Variants in CENPP observed in about 807,000 individuals in gnomAD.
CENPP encodes the protein centromere protein P.
Under a neutral mutation model 35.6 loss-of-function variants are expected in CENPP, and 24 were observed. The ratio of observed to expected loss-of-function variants is 0.67; its 90% confidence interval spans 0.49 to 0.95. CENPP has a LOEUF of 0.95. CENPP is among the 40% of genes least tolerant of loss of function. The pLI, the probability that CENPP is intolerant of heterozygous loss-of-function variation, is 0.00. For missense variants in CENPP, 332 were observed against 345.3 expected (o/e 0.96, Z 0.31); for synonymous variants, 120 against 125.5 (o/e 0.96, Z 0.29).
rs1843199404 is a variant in CENPP, at chr9:92,403,383, G to C, written c.564+23524G>C. The C allele has an allele frequency of 1.9e-6, 3 of 1,612,766 alleles. No individual in the cohort carries two copies. In the East Asian group the frequency reaches 6.7e-5, roughly 36 times the overall value. On this transcript the variant is annotated intron_variant, in intron 5 of 7. Coordinates refer to ENST00000375587, the MANE Select transcript of CENPP (RefSeq NM_001012267.3). ...ATCAGAGGCACAAGCAGTAACAGGA[G>C]AAGTGTAGACTGCAGAGTCTTCATT... is the stretch of plus-strand genomic sequence containing the variant.
intron 3 of CENPP, 139 bp from the exon 4 acceptor site, chr9:92,345,560 T>TTTTTTG (rs1313607764): frequency 1.7e-6 from 1 of 600,400 alleles, no homozygotes; most frequent in African/African-American, 1.9e-5. Flanking sequence ...AGATTGAACT[T>TTTTTTG]TTTTTGTTTT....
At chr9:92,369,500 C>G (rs192131321) in intron 4 of CENPP, among the ~76,000 whole-genome samples, 159 of 152,232 alleles carry the variant, frequency 1.0e-3, no homozygotes, top group Admixed American at 2.7e-3. Flanking sequence ...GAAAAACTCA[C>G]TCAAGGGCAA....
chr9:92,464,594 T>C (rs1845235721), intron 5 of CENPP: 3 of 464,000 alleles, frequency 6.5e-6, no homozygotes, highest in Non-Finnish European at 1.3e-5. Context: ...TCTGCTTTCT[T>C]CTGTATAGAA....
At chr9:92,383,660 T>G (rs933180120) in intron 5 of CENPP, among the ~76,000 whole-genome samples, 2 of 152,164 alleles carry the variant, frequency 1.3e-5, no homozygotes, top group African/African-American at 4.8e-5. Context: ...TTTAAGGTTG[T>G]GTATATGAAG....
In CENPP at chr9:92,566,353, C is replaced by T. The variant is rs551646855; in HGVS notation, c.565-44961C>T. Among the ~76,000 whole-genome samples, 3 of 150,960 alleles carry T rather than the reference C, an allele frequency of 2.0e-5. No individual in the cohort carries two copies. The East Asian group carries it at 5.8e-4, about 29-fold the overall frequency. On this transcript the variant is annotated intron_variant, in intron 5 of 7. Transcript: ENST00000375587. The stretch of plus-strand genomic sequence containing the variant: ...CATACAAAGTAACATAAAAATATAG[C>T]CTTTCAAAGGAAAAAAATAAATAAA...
At chr9:92,493,608 T>C (rs1416480428) in intron 5 of CENPP, 2 of 152,624 alleles carry the variant, frequency 1.3e-5, no homozygotes, top group Non-Finnish European at 2.9e-5. Flanking sequence ...GTAATTATAG[T>C]GTAATTTTTG....
chr9:92,529,068 T>C (rs1229614853), intron 5 of CENPP, among the ~76,000 whole-genome samples: 2 of 152,134 alleles, frequency 1.3e-5, no homozygotes, highest in African/African-American at 4.8e-5. Flanking sequence ...AAAACTACAA[T>C]GTGAGAGAGA....
In CENPP at chr9:92,343,962, C is replaced by T. The variant is rs1019050350; in HGVS notation, c.379-1737C>T. Among the ~76,000 whole-genome samples the T allele has an allele frequency of 8.2e-5, 5 of 60,988 alleles. No homozygotes were observed. The East Asian group carries it at 2.2e-3, about 27-fold the overall frequency. 40.0% of individuals were successfully genotyped at this position (60,988 alleles called of 152,430 possible). A position where few individuals can be genotyped will look rare whatever the true frequency, so the allele number is the denominator to read the frequency against. ...TGGGCAATAGAGCAAAACCCTGTCT[C>T]AAAAAAAAAAAAAAAAAAAAAAAAG... On this transcript the variant is annotated intron_variant, in intron 3 of 7. Transcript: ENST00000375587.
chr9:92,327,944 C>T (rs76589431), intron 1 of CENPP, among the ~76,000 whole-genome samples: 8 of 152,134 alleles, frequency 5.3e-5, no homozygotes, highest in African/African-American at 1.9e-4. Flanking sequence ...GCAACTCTTA[C>T]GATCTCTATT....
chr9:92,352,505 G>GTGTGTGTATATATATATATATATATA, intron 4 of CENPP, among the ~76,000 whole-genome samples: 6 of 49,790 alleles, frequency 1.2e-4, no homozygotes, highest in African/African-American at 7.2e-4. Context: ...GTGTGTGTGT[G>GTGTGTGTATATATATATATATATATA]TATACATATA....
intron 5 of CENPP, chr9:92,465,164 T>A: frequency 1.5e-6 from 1 of 657,712 alleles, no homozygotes; most frequent in Non-Finnish European, 2.7e-6. Flanking sequence ...TTTCACTCGG[T>A]ATATCTGCTT....
At chr9:92,433,021 C>T (rs779789342) in intron 5 of CENPP, among the ~76,000 whole-genome samples, 4 of 152,116 alleles carry the variant, frequency 2.6e-5, no homozygotes, top group South Asian at 2.1e-4. Flanking sequence ...AAAAACATAC[C>T]GTGAGATACC....
At chr9:92,353,914 T>C (rs183976020) in intron 4 of CENPP, among the ~76,000 whole-genome samples, 1 of 152,190 alleles carries the variant, frequency 6.6e-6, no homozygotes, top group Admixed American at 6.5e-5. Context: ...CTGGAGAGAT[T>C]TGCCCCAGCT....
intron 4 of CENPP, among the ~76,000 whole-genome samples, chr9:92,357,153 T>C (rs1286513807): frequency 6.6e-6 from 1 of 152,164 alleles, no homozygotes; most frequent in Non-Finnish European, 1.5e-5. Flanking sequence ...GCAAAAATAC[T>C]AGCTTTTATA....
chr9:92,582,731 CA>C (rs1416646070), intron 5 of CENPP, among the ~76,000 whole-genome samples: 1 of 151,698 alleles, frequency 6.6e-6, no homozygotes, highest in Admixed American at 6.6e-5. Context: ...TTTTTGGTGG[CA>C]AGTAATAGAA....
At chr9:92,415,171 T>C (rs1564308312) in intron 5 of CENPP, 2 of 1,606,886 alleles carry the variant, frequency 1.2e-6, no homozygotes, top group Non-Finnish European at 1.7e-6. Flanking sequence ...ATTTTCATAA[T>C]AATGAAGGTC....
Position 92,417,262 on chromosome 9 carries a change from C to T in CENPP, c.564+37403C>T, listed in dbSNP as rs1161946959. The T allele has an allele frequency of 2.5e-6, 4 of 1,614,018 alleles. 1 individual carries two copies. In the South Asian group the frequency reaches 4.4e-5, roughly 18 times the overall value. ...CAGTCACAGCCTCAATTTCATTGAA[C>T]TGAAGGTAGAGTTGCTGAATGTGCA... is the stretch of plus-strand genomic sequence containing the variant. On this transcript the variant is annotated intron_variant, in intron 5 of 7. Transcript: ENST00000375587.
chr9:92,525,890 C>T (rs1275229564), intron 5 of CENPP, among the ~76,000 whole-genome samples: 4 of 121,202 alleles, frequency 3.3e-5, no homozygotes, highest in African/African-American at 9.9e-5. Flanking sequence ...GAGACTCTAT[C>T]TCCAAAAAAA....
intron 5 of CENPP, chr9:92,401,162 G>A (rs142179123): frequency 3.3e-6 from 5 of 1,522,942 alleles, no homozygotes; most frequent in Non-Finnish European, 4.5e-6. Flanking sequence ...TTTTCTCATT[G>A]GGTATTATCA....
Sources: gnomAD v4.1 joint callset for allele counts (sites outside exome capture counted in the v4.1 genomes callset) on GRCh38, gnomAD v4.1.1 for gene constraint, MANE v1.5 for transcripts, NCBI Gene and HGNC (gene_info 2026-07-23, HGNC 2026-07-21) for gene names.